Variants in SPATS2L observed in about 807,000 individuals in gnomAD.
SPATS2L encodes SPATS2-like protein.
In SPATS2L, 30 loss-of-function variants were observed where a neutral mutation model predicts 59.6. The observed-to-expected ratio is 0.50, with a 90% CI of 0.38 to 0.68. SPATS2L has a LOEUF of 0.68. Among genes scored for constraint, SPATS2L ranks in the 30% least tolerant of loss-of-function variants. The pLI is 0.00. For synonymous variants in SPATS2L, 252 were observed against 263.5 expected (o/e 0.96, Z 0.42); for missense variants, 615 against 700.0 (o/e 0.88, Z 1.37).
chr2:200,327,130 G>A (rs558722690), intron 1 of SPATS2L, among the ~76,000 whole-genome samples: 68 of 151,964 alleles, frequency 4.5e-4, no homozygotes, highest in African/African-American at 1.5e-3. Context: ...TGAGCCAGGC[G>A]TGGTGGCTTA....
intron 2 of SPATS2L, among the ~76,000 whole-genome samples, chr2:200,388,827 G>T (rs1222341678): frequency 6.6e-6 from 1 of 152,072 alleles, no homozygotes; most frequent in Non-Finnish European, 1.5e-5. Context: ...ATAAATGTTT[G>T]TTAGATTACC....
intron 2 of SPATS2L, among the ~76,000 whole-genome samples, chr2:200,360,938 A>G (rs1162975963): frequency 5.3e-4 from 80 of 150,046 alleles, no homozygotes; most frequent in Non-Finnish European, 8.9e-5. Flanking sequence ...TCCCAATGGT[A>G]GGATAGAACA....
intron 2 of SPATS2L, among the ~76,000 whole-genome samples, chr2:200,359,075 A>G (rs2081014270): frequency 6.6e-6 from 1 of 152,180 alleles, no homozygotes; most frequent in Admixed American, 6.5e-5. Context: ...GTAAGGAAAT[A>G]TCAACTCACA....
At chr2:200,447,159 G>A (rs1185361224) in intron 8 of SPATS2L, among the ~76,000 whole-genome samples, 1 of 152,180 alleles carries the variant, frequency 6.6e-6, no homozygotes, top group African/African-American at 2.4e-5. Flanking sequence ...GGATTAGGAT[G>A]AAGATCTGAG....
intron 3 of SPATS2L, among the ~76,000 whole-genome samples, chr2:200,407,913 A>G (rs1322376571): frequency 6.6e-6 from 1 of 152,176 alleles, no homozygotes; most frequent in Non-Finnish European, 1.5e-5. Context: ...CACTCAACAA[A>G]TATGTATTAA....
At chr2:200,473,202 C>T (rs2087207807) in intron 12 of SPATS2L, 150 bp downstream of exon 12, 5 of 750,016 alleles carry the variant, frequency 6.7e-6, no homozygotes, top group East Asian at 2.7e-5. Context: ...CCCAGCAGCA[C>T]TGCCCAGCTG....
At position 200,479,644 on chromosome 2, in the gene SPATS2L, C is replaced by T. The variant is rs993879347; in HGVS notation, c.*1613C>T. The stretch of plus-strand genomic sequence containing the variant: ...CTACAGGGCAGTCCAGTTTGGGTGC[C>T]GCTTCCGTTGCACTCACATGTCCTA... On this transcript the variant is annotated 3_prime_UTR_variant, in exon 13 of 13. Coordinates refer to ENST00000409140, the MANE Select transcript of SPATS2L (RefSeq NM_001100423.2). The T allele has an allele frequency of 2.3e-5, 9 of 398,608 alleles. No homozygotes were observed. Among genetic ancestry groups the T allele is most frequent in the Admixed American group, 4.4e-5 (1 of 22,738 alleles). 24.7% of individuals were successfully genotyped at this position (398,608 alleles called of 1,614,324 possible). A position where few individuals can be genotyped will look rare whatever the true frequency, so the allele number is the denominator to read the frequency against.
At chr2:200,351,482 TA>T (rs1192329051) in intron 2 of SPATS2L, among the ~76,000 whole-genome samples, 1 of 152,166 alleles carries the variant, frequency 6.6e-6, no homozygotes, top group Non-Finnish European at 1.5e-5. Flanking sequence ...ACTGTCCCAT[TA>T]AAAAAATAAA....
Position 200,419,391 on chromosome 2 carries a change from G to A in SPATS2L, c.340G>A (p.Asp114Asn). Residue 114 changes from aspartate (D) to asparagine (N), a missense_variant, in exon 6 of 13, where the codon GAC (aspartate) becomes AAC (asparagine). Around this residue, in one of 3 missense-constraint regions of SPATS2L, gnomAD observed 227 missense variants for 257.4 expected, o/e 0.88. Coordinates refer to ENST00000409140, the MANE Select transcript of SPATS2L (RefSeq NM_001100423.2). ...CGGCCCCATGAATGGCTGCGAGAAG[G>A]ACAGCTCGTCCACAGATTCTGCTAA... ...QNGPMNGCEK[D>N]SSSTDSANEK... The A allele has an allele frequency of 6.2e-7, 1 of 1,613,516 alleles. No individual in the cohort carries two copies. The highest frequency in any genetic ancestry group is 8.5e-7 in the Non-Finnish European group (1 of 1,179,740).
intron 3 of SPATS2L, among the ~76,000 whole-genome samples, chr2:200,410,747 T>A (rs979807614): frequency 2.6e-5 from 4 of 152,152 alleles, no homozygotes; most frequent in African/African-American, 9.7e-5. Context: ...ACCACTTAAG[T>A]GGAATGTATA....
intron 6 of SPATS2L, among the ~76,000 whole-genome samples, chr2:200,422,997 A>T (rs1177628473): frequency 1.3e-5 from 2 of 152,212 alleles, no homozygotes; most frequent in African/African-American, 2.4e-5. Flanking sequence ...TCACCAAGAC[A>T]GCCACTAAAG....
At chr2:200,351,361 T>G (rs1196676785) in intron 2 of SPATS2L, 3 of 468,272 alleles carry the variant, frequency 6.4e-6, no homozygotes, top group African/African-American at 4.0e-5. Flanking sequence ...GAAGATTTTG[T>G]GACTATAGTA....
At chr2:200,351,253 A>T (rs899348532) in intron 2 of SPATS2L, 7 of 471,322 alleles carry the variant, frequency 1.5e-5, no homozygotes, top group African/African-American at 1.4e-4. Flanking sequence ...GTGTTTTTAG[A>T]TGCACTAACC....
rs373763058 is a variant in SPATS2L, at chr2:200,447,355, T to C, written c.788+6571T>C. Among the ~76,000 whole-genome samples, 20 of 152,340 alleles carry C rather than the reference T, an allele frequency of 1.3e-4. No homozygotes were observed. In the East Asian group the frequency reaches 3.9e-3, roughly 29 times the overall value. On this transcript the variant is annotated intron_variant, in intron 8 of 12. Transcript: ENST00000409140. ...CAGCCATTATGCTCTTTAAGCCAAA[T>C]GAACAGAAGGTCTTTTACATATCTT... is the stretch of plus-strand genomic sequence containing the variant.
intron 2 of SPATS2L, among the ~76,000 whole-genome samples, chr2:200,329,876 T>C (rs2079878066): frequency 6.6e-6 from 1 of 152,142 alleles, no homozygotes. Context: ...CTGCCTGGCT[T>C]TCCCTCCTCA....
chr2:200,419,538 G>T, intron 6 of SPATS2L, 42 bp downstream of exon 6: 2 of 1,606,144 alleles, frequency 1.2e-6, no homozygotes, highest in South Asian at 1.1e-5. Context: ...AGGCATAGAT[G>T]AAAAGAGCAC....
intron 1 of SPATS2L, among the ~76,000 whole-genome samples, chr2:200,323,538 C>T (rs1205764088): frequency 1.3e-5 from 2 of 152,154 alleles, no homozygotes; most frequent in East Asian, 3.9e-4. Flanking sequence ...ACCCTTCTAA[C>T]TCTTTGCTTA....
chr2:200,454,768 A>G (rs3769438), intron 8 of SPATS2L, among the ~76,000 whole-genome samples: 137,800 of 152,246 alleles, frequency 0.91, 62,944 homozygotes, highest in Non-Finnish European at 0.97. Flanking sequence ...TTTTACGGGA[A>G]CTCTGTTTAT....
chr2:200,415,919 A>G (rs1275129836), intron 4 of SPATS2L, among the ~76,000 whole-genome samples: 1 of 152,172 alleles, frequency 6.6e-6, no homozygotes, highest in Non-Finnish European at 1.5e-5. Flanking sequence ...CAAGATGTGA[A>G]CATATGAATA....
Sources: gnomAD v4.1 joint callset for allele counts (sites outside exome capture counted in the v4.1 genomes callset) on GRCh38, gnomAD v4.1.1 for gene constraint, gnomAD v4.1.1 regional missense constraint, MANE v1.5 for transcripts, NCBI Gene and HGNC (gene_info 2026-07-23, HGNC 2026-07-21) for gene names.